PSAP: variants seen among roughly 807,000 people sequenced by gnomAD.
The protein encoded by PSAP is prosaposin, also known as precursor of saposins.
PSAP carries 25 observed loss-of-function variants against 66.0 expected under a neutral mutation model. That is an observed-to-expected ratio of 0.38 (90% CI 0.28 to 0.53). The LOEUF is 0.53. Ranked by LOEUF, PSAP falls within the 20% of genes least tolerant of loss-of-function variation. The probability of loss-of-function intolerance (pLI) is 0.83; values close to 1 mark genes in which losing one functional copy is unlikely to be tolerated. For missense variants in PSAP, 649 were observed against 668.8 expected (o/e 0.97, Z 0.33); for synonymous variants, 273 against 258.9 (o/e 1.05, Z -0.52).
chr10:71,851,090 G>A (rs1218794973), intron 1 of PSAP, 92 bp downstream of exon 1: 6 of 1,433,476 alleles, frequency 4.2e-6, no homozygotes, highest in East Asian at 2.5e-5. Flanking sequence ...TAGGGCAGGG[G>A]GAGCAGAGGG....
Position 71,816,655 on chromosome 10 carries a change from AG to A in PSAP, c.*785del. 2 of 352,672 alleles carry A rather than the reference AG, an allele frequency of 5.7e-6. No homozygotes were observed. Among genetic ancestry groups the A allele is most frequent in the South Asian group, 2.1e-5 (1 of 48,128 alleles). 21.8% of individuals were successfully genotyped at this position (352,672 alleles called of 1,614,324 possible). On this transcript the variant is annotated 3_prime_UTR_variant, in exon 14 of 14. Coordinates refer to ENST00000394936, the MANE Select transcript of PSAP (RefSeq NM_002778.4). ...CAGCCAGGGACATGTAGGCAACACG[AG>A]CAGGCACAGCGCGGCCACCACTGTC... is the stretch of plus-strand genomic sequence containing the variant.
chr10:71,841,312 C>G (rs574150654), intron 1 of PSAP, among the ~76,000 whole-genome samples: 13 of 152,246 alleles, frequency 8.5e-5, no homozygotes, highest in Admixed American at 2.0e-4. Flanking sequence ...TTCATGCAAA[C>G]CTCATTAAAG....
chr10:71,830,295 T>C (rs1228558230), intron 4 of PSAP, among the ~76,000 whole-genome samples: 1 of 152,214 alleles, frequency 6.6e-6, no homozygotes, highest in African/African-American at 2.4e-5. Flanking sequence ...ATCCCCCTCA[T>C]GAGCAAGTCC....
In PSAP at chr10:71,831,268, G is replaced by C. The variant is rs1842509931; in HGVS notation, c.250-17C>G. ...GATCTCCTCCTACGAGAGGACACCA[G>C]GGTCAGAATCACGATAGGCTTTCCT... On this transcript the variant is annotated splice_polypyrimidine_tract_variant and intron_variant, in intron 3 of 13. Transcript: ENST00000394936. 6.2e-7 allele frequency: 1 copy of C among 1,613,194 alleles called. No homozygotes were observed. The highest frequency in any genetic ancestry group is 1.3e-5 in the African/African-American group (1 of 75,022).
chr10:71,816,867 C>G lies in PSAP; in HGVS notation c.*574G>C, dbSNP rs549402343. On this transcript the variant is annotated 3_prime_UTR_variant, in exon 14 of 14. Coordinates refer to ENST00000394936, the MANE Select transcript of PSAP (RefSeq NM_002778.4). ...CCCTTGGCCCCACTGATGTCCCAAGCCACCAGCAGCTGCTTCCAAAATCCC... is the reference window on the plus strand; with the variant it reads ...CCCTTGGCCCCACTGATGTCCCAAGGCACCAGCAGCTGCTTCCAAAATCCC... 1.2e-4 allele frequency: 22 copies of G among 188,572 alleles called. No homozygotes were observed. The highest frequency in any genetic ancestry group is 5.2e-4 in the East Asian group (4 of 7,762). 11.7% of individuals were successfully genotyped at this position (188,572 alleles called of 1,614,324 possible). A position where few individuals can be genotyped will look rare whatever the true frequency, so the allele number is the denominator to read the frequency against.
intron 1 of PSAP, among the ~76,000 whole-genome samples, chr10:71,850,261 G>A (rs1233423347): frequency 1.3e-5 from 2 of 151,748 alleles, no homozygotes; most frequent in African/African-American, 2.4e-5. Flanking sequence ...TTTACAACGT[G>A]CTCGCTCTCT....
At chr10:71,832,559 A>G (rs78216297) in intron 2 of PSAP, among the ~76,000 whole-genome samples, 1 of 152,300 alleles carries the variant, frequency 6.6e-6, no homozygotes, top group Non-Finnish European at 1.5e-5. Context: ...CTATGAACTT[A>G]GCTGCATTTA....
intron 7 of PSAP, among the ~76,000 whole-genome samples, chr10:71,824,733 G>C (rs1426398524): frequency 6.6e-6 from 1 of 152,214 alleles, no homozygotes; most frequent in Non-Finnish European, 1.5e-5. Context: ...GATATATTCT[G>C]AAACTCCAAA....
At chr10:71,831,299 G>C (rs753364099) in intron 3 of PSAP, 48 bp from the exon 4 acceptor site, 1 of 1,607,264 alleles carries the variant, frequency 6.2e-7, no homozygotes, top group Non-Finnish European at 8.5e-7. Context: ...TTCCTCCCTG[G>C]AAATAAATGG....
chr10:71,828,175 A>G lies in PSAP; in HGVS notation c.577-18T>C, dbSNP rs2133043710. On this transcript the variant is annotated intron_variant, in intron 5 of 13. Coordinates refer to ENST00000394936, the MANE Select transcript of PSAP (RefSeq NM_002778.4). ...CCATTATCCTACAGAAGAGGCAGTT[A>G]GGTTTGCAACTTAAGAGGACTCAAA... is the stretch of plus-strand genomic sequence containing the variant. 2 of 1,614,200 alleles carry G rather than the reference A, an allele frequency of 1.2e-6. No individual in the cohort carries two copies. The highest frequency in any genetic ancestry group is 2.2e-5 in the East Asian group (1 of 44,892).
In PSAP at chr10:71,818,707, G is replaced by A. The variant is rs760057659; in HGVS notation, c.1449C>T (p.Pro483=). ...SFVCLKIGAC[P]SAHKPLLGTE... ...TTCCCAACAAGGGCTTATGGGCCGA[G>A]GGGCAGGCTCCAATTTTCTATATGG... Residue 483 remains proline (P), a synonymous_variant, in exon 13 of 14, where the codon CCC becomes CCT. Transcript: ENST00000394936. The A allele has an allele frequency of 6.2e-7, 1 of 1,614,004 alleles. No homozygotes were observed. The highest frequency in any genetic ancestry group is 8.5e-7 in the Non-Finnish European group (1 of 1,179,972).
At chr10:71,848,392 T>C (rs1309940512) in intron 1 of PSAP, among the ~76,000 whole-genome samples, 3 of 152,260 alleles carry the variant, frequency 2.0e-5, no homozygotes, top group Non-Finnish European at 4.4e-5. Context: ...TCTTGGGTTC[T>C]GGTCCTGGCA....
rs370107124 is a variant in PSAP at position 71,834,493 on chromosome 10, G to T, written c.53C>A (p.Pro18Gln). 6.2e-7 allele frequency: 1 copy of T among 1,613,922 alleles called. No individual in the cohort carries two copies. Among genetic ancestry groups the T allele is most frequent in the East Asian group, 2.2e-5 (1 of 44,882 alleles). ...ASLLGAALAG[P>Q]VLGLKECTRG... ...GGTGCATTCTTTCAGTCCAAGGACC[G>T]GGCCGGCTAGAGCTAAAATGAAAAC... is the stretch of plus-strand genomic sequence containing the variant. The change falls in exon 2 of 14, where the codon CCG becomes CAG. Residue 18 changes from proline to glutamine, a missense_variant. Pro to Gln is a moderately conservative substitution (Grantham distance 76). Coordinates refer to ENST00000394936, the MANE Select transcript of PSAP (RefSeq NM_002778.4).
rs1197869014 is a variant in PSAP, at chr10:71,831,928, AAAG to A, written c.175-11_175-9del. 6.2e-7 allele frequency: 1 copy of A among 1,613,196 alleles called. No individual in the cohort carries two copies. Among genetic ancestry groups the A allele is most frequent in the Non-Finnish European group, 8.5e-7 (1 of 1,179,246 alleles). ...GTCGCAGGGAAGGGATTTCTAAGAGAAAGAATACGAGAAATTTGTATTTGCAGG... is the reference window on the plus strand; with the variant it reads ...GTCGCAGGGAAGGGATTTCTAAGAGAAATACGAGAAATTTGTATTTGCAGG... On this transcript the variant is annotated splice_polypyrimidine_tract_variant and intron_variant, in intron 2 of 13. Transcript: ENST00000394936.
At chr10:71,822,135 C>G (rs565578366) in intron 7 of PSAP, 128 bp from the exon 8 acceptor site, 12 of 1,291,164 alleles carry the variant, frequency 9.3e-6, no homozygotes, top group East Asian at 2.5e-5. Flanking sequence ...CCCTCTCCCC[C>G]TCCCACAACG....
At chr10:71,822,539 G>C in intron 7 of PSAP, 1 of 470,908 alleles carries the variant, frequency 2.1e-6, no homozygotes. Context: ...GCTGCACACA[G>C]TGCACATGAA....
chr10:71,833,629 TG>T (rs1842563811), intron 2 of PSAP, among the ~76,000 whole-genome samples: 1 of 152,202 alleles, frequency 6.6e-6, no homozygotes, highest in African/African-American at 2.4e-5. Flanking sequence ...CCGTACCACA[TG>T]ATGGCCGGCA....
At chr10:71,842,853 GAAAAAT>G (rs1842752725) in intron 1 of PSAP, among the ~76,000 whole-genome samples, 1 of 152,068 alleles carries the variant, frequency 6.6e-6, no homozygotes, top group Non-Finnish European at 1.5e-5. Flanking sequence ...ATTAATTTCA[GAAAAAT>G]AAAAGATAAT....
rs1049882 is a variant in PSAP at position 71,819,082 on chromosome 10, G to A, written c.1380C>T (p.Pro460=). 2,354 of 1,614,108 alleles carry A rather than the reference G, an allele frequency of 1.5e-3. 19 individuals carry two copies. Among genetic ancestry groups the A allele is most frequent in the South Asian group, 0.01 (933 of 91,082 alleles). ...CCTCCACCAGGATCTCGATCAGCAC[G>A]GGCTCGTACTCTGCCACAAACTGAT... is the stretch of plus-strand genomic sequence containing the variant. ...QCDQFVAEYE[P]VLIEILVEVM... is the part of the protein sequence containing the mutation. The change falls in exon 12 of 14, where the codon CCC becomes CCT. Residue 460 remains proline, a synonymous_variant. Coordinates refer to ENST00000394936, the MANE Select transcript of PSAP (RefSeq NM_002778.4).
Sources: gnomAD v4.1 joint callset for allele counts (sites outside exome capture counted in the v4.1 genomes callset) on GRCh38, gnomAD v4.1.1 for gene constraint, MANE v1.5 for transcripts, NCBI Gene and HGNC (gene_info 2026-07-23, HGNC 2026-07-21) for gene names.